The following HS6ST2 variants were observed in gnomAD, a reference collection of about 807,000 sequenced individuals.
HS6ST2 encodes the protein heparan sulfate 6-O-sulfotransferase 2.
HS6ST2 carries 17 observed loss-of-function variants against 33.0 expected under a neutral mutation model. The ratio of observed to expected loss-of-function variants is 0.52; its 90% CI spans 0.35 to 0.77. The LOEUF (loss-of-function observed/expected upper bound fraction) is 0.77. Among genes scored for constraint, HS6ST2 ranks in the 30% least tolerant of loss-of-function variants. The pLI is 0.01. For missense variants in HS6ST2, 519 were observed against 551.7 expected (o/e 0.94, Z 0.59); for synonymous variants, 248 against 237.1 (o/e 1.05, Z -0.42).
At chrX:132,894,470 G>GTTATA (rs1168908787) in intron 2 of HS6ST2, among the ~76,000 whole-genome samples, 2 of 24,535 alleles carry the variant, frequency 8.2e-5, no homozygotes, top group Admixed American at 2.8e-4. Flanking sequence ...AATTCCTATT[G>GTTATA]TTATGTTATG....
Position 132,770,677 on chromosome X carries a change from G to C in HS6ST2, c.948-62183C>G, listed in dbSNP as rs2064889475. Reference sequence around the variant, plus strand: ...TTCTGTCTCTCCTTGGAGGCAAAGGGATGTATTGGGTAAGTCTTTCAGTTC... The same window carrying C: ...TTCTGTCTCTCCTTGGAGGCAAAGGCATGTATTGGGTAAGTCTTTCAGTTC... On this transcript the variant is annotated intron_variant, in intron 2 of 4. Coordinates refer to ENST00000370833, the MANE Select transcript of HS6ST2 (RefSeq NM_001394073.1). Among the ~76,000 whole-genome samples the C allele has an allele frequency of 1.8e-5, 2 of 111,017 alleles. 1 individual carries two copies. Among genetic ancestry groups the C allele is most frequent in the African/African-American group, 6.6e-5 (2 of 30,480 alleles).
chrX:132,659,983 T>C (rs1316621842), intron 4 of HS6ST2, among the ~76,000 whole-genome samples: 3 of 111,831 alleles, frequency 2.7e-5, no homozygotes, highest in Admixed American at 1.9e-4. Flanking sequence ...ATCAAACCCT[T>C]CCTCAAATGT....
At chrX:132,787,274 A>T (rs2065077051) in intron 2 of HS6ST2, among the ~76,000 whole-genome samples, 2 of 90,702 alleles carry the variant, frequency 2.2e-5, no homozygotes, top group South Asian at 1.0e-3. Context: ...TTTATAATAT[A>T]TTATTATATT....
chrX:132,760,700 G>C (rs2064797481), intron 2 of HS6ST2, among the ~76,000 whole-genome samples: 1 of 111,166 alleles, frequency 9.0e-6, no homozygotes, highest in Non-Finnish European at 1.9e-5. Context: ...AGGCATGGGA[G>C]AGAATGAGCA....
chrX:132,711,987 C>T (rs1032823039), intron 2 of HS6ST2, among the ~76,000 whole-genome samples: 1 of 111,796 alleles, frequency 8.9e-6, no homozygotes, highest in African/African-American at 3.3e-5. Context: ...CCACACACTT[C>T]CATATAACAG....
intron 3 of HS6ST2, among the ~76,000 whole-genome samples, chrX:132,704,667 C>T (rs1459025363): frequency 8.9e-6 from 1 of 112,250 alleles, no homozygotes; most frequent in Non-Finnish European, 1.9e-5. Flanking sequence ...GAAGCTGTTC[C>T]CTTATCCCTA....
At chrX:132,770,080 A>G (rs1457822875) in intron 2 of HS6ST2, among the ~76,000 whole-genome samples, 1 of 112,147 alleles carries the variant, frequency 8.9e-6, no homozygotes, top group Non-Finnish European at 1.9e-5. Context: ...AGGAAACATC[A>G]TTACCAAAGC....
intron 2 of HS6ST2, among the ~76,000 whole-genome samples, chrX:132,908,666 A>C (rs2066499153): frequency 9.0e-6 from 1 of 111,689 alleles, no homozygotes; most frequent in Non-Finnish European, 1.9e-5. Context: ...AAATTATCAG[A>C]ATGCACAAAT....
chrX:132,830,023 G>GAAC (rs1348578554), intron 2 of HS6ST2, among the ~76,000 whole-genome samples: 1 of 111,338 alleles, frequency 9.0e-6, no homozygotes, highest in African/African-American at 3.3e-5. Context: ...TTGTGTCTGT[G>GAAC]AACAACATAG....
chrX:132,857,847 G>A (rs1335358799), intron 2 of HS6ST2, among the ~76,000 whole-genome samples: 2 of 112,028 alleles, frequency 1.8e-5, no homozygotes, highest in African/African-American at 6.5e-5. Context: ...AGGGAGGAAA[G>A]GTGGAAGGAA....
intron 2 of HS6ST2, among the ~76,000 whole-genome samples, chrX:132,845,723 A>T (rs1346915307): frequency 1.8e-5 from 2 of 111,311 alleles, no homozygotes; most frequent in African/African-American, 3.3e-5. Flanking sequence ...CTCCCAGACC[A>T]TGACAGTATA....
chrX:132,757,464 A>G (rs1012637529), intron 2 of HS6ST2, among the ~76,000 whole-genome samples: 2 of 111,393 alleles, frequency 1.8e-5, no homozygotes, highest in East Asian at 5.6e-4. Context: ...CAGGGAGCAA[A>G]GTTGTAATAT....
intron 3 of HS6ST2, among the ~76,000 whole-genome samples, chrX:132,697,612 C>T (rs143874922): frequency 2.8e-3 from 314 of 112,061 alleles, no homozygotes; most frequent in African/African-American, 9.4e-3. Context: ...AATGAACATA[C>T]CTGCCCCATC....
At chrX:132,766,088 T>C (rs1304478902) in intron 2 of HS6ST2, among the ~76,000 whole-genome samples, 1 of 111,744 alleles carries the variant, frequency 8.9e-6, no homozygotes, top group Non-Finnish European at 1.9e-5. Context: ...ACCAGAATCC[T>C]GTTATATGGG....
At chrX:132,949,581 C>T (rs1291252897) in intron 2 of HS6ST2, among the ~76,000 whole-genome samples, 1 of 110,294 alleles carries the variant, frequency 9.1e-6, no homozygotes, top group Non-Finnish European at 1.9e-5. Flanking sequence ...TCATTAAAGG[C>T]TCCCAGGATA....
chrX:132,792,374 C>A (rs1236159412), intron 2 of HS6ST2, among the ~76,000 whole-genome samples: 1 of 112,331 alleles, frequency 8.9e-6, no homozygotes, highest in Non-Finnish European at 1.9e-5. Context: ...GTCCTAAGAT[C>A]TGAGAGGAGA....
At chrX:132,920,438 A>T (rs1436474015) in intron 2 of HS6ST2, among the ~76,000 whole-genome samples, 1 of 111,661 alleles carries the variant, frequency 9.0e-6, no homozygotes, top group African/African-American at 3.3e-5. Context: ...CAGAAAAAAA[A>T]ATCTGGAAGA....
chrX:132,808,949 A>G (rs2148362365), intron 2 of HS6ST2, among the ~76,000 whole-genome samples: 1 of 112,217 alleles, frequency 8.9e-6, no homozygotes, highest in South Asian at 3.7e-4. Flanking sequence ...CATCAAACGC[A>G]AGAAGTAGAA....
intron 2 of HS6ST2, among the ~76,000 whole-genome samples, chrX:132,794,191 G>A (rs929044267): frequency 4.5e-5 from 5 of 111,858 alleles, no homozygotes; most frequent in Non-Finnish European, 7.5e-5. Context: ...GAAATGTAGC[G>A]CTTGGACTTA....
Sources: gnomAD v4.1 joint callset for allele counts (sites outside exome capture counted in the v4.1 genomes callset) on GRCh38, gnomAD v4.1.1 for gene constraint, MANE v1.5 for transcripts, NCBI Gene and HGNC (gene_info 2026-07-23, HGNC 2026-07-21) for gene names.